The following UNC13C variants were observed in gnomAD, a reference collection of about 807,000 sequenced individuals.
UNC13C encodes unc-13 homolog C.
A neutral mutation model predicts 245.4 loss-of-function variants in UNC13C; 174 were observed. The observed-to-expected ratio is 0.71, with a 90% confidence interval of 0.63 to 0.80. The LOEUF is 0.80. UNC13C is among the 30% of genes least tolerant of loss of function. UNC13C has a pLI of 0.00. For missense variants in UNC13C, 2,829 were observed against 2,602.9 expected, an observed-to-expected ratio of 1.09 and a Z score of -1.89; for synonymous variants, 992 against 895.1, an observed-to-expected ratio of 1.11 and a Z score of -1.93.
intron 4 of UNC13C, among the ~76,000 whole-genome samples, chr15:54,167,500 CAAAAAAAA>C (rs67762910): frequency 0.4 from 36,758 of 91,012 alleles, 6,253 homozygotes; most frequent in African/African-American, 0.53. Flanking sequence ...ACACTCGTCT[CAAAAAAAA>C]AAAAAAAAAA....
At chr15:54,276,771 C>T (rs901837825) in intron 10 of UNC13C, among the ~76,000 whole-genome samples, 1 of 152,008 alleles carries the variant, frequency 6.6e-6, no homozygotes, top group Non-Finnish European at 1.5e-5. Flanking sequence ...AACATTTTTC[C>T]CCATTAGTCT....
At chr15:53,895,623 T>G in the UNC13C span, among the ~76,000 whole-genome samples, 1 of 152,204 alleles carries the variant, frequency 6.6e-6, no homozygotes, top group African/African-American at 2.4e-5. Flanking sequence ...AGTTTTCTAT[T>G]CTCCAGCTGT....
intron 2 of UNC13C, among the ~76,000 whole-genome samples, chr15:54,055,118 C>A (rs1243845470): frequency 6.6e-6 from 1 of 152,122 alleles, no homozygotes; most frequent in African/African-American, 2.4e-5. Context: ...ACTACAATGG[C>A]AAATTGATTA....
intron 30 of UNC13C, among the ~76,000 whole-genome samples, chr15:54,591,227 T>C (rs1435048194): frequency 6.6e-6 from 1 of 152,214 alleles, no homozygotes; most frequent in Non-Finnish European, 1.5e-5. Context: ...GCATGTATAT[T>C]CATCAAGGAT....
chr15:54,599,240 A>G (rs982629951), intron 30 of UNC13C, among the ~76,000 whole-genome samples: 2 of 152,144 alleles, frequency 1.3e-5, no homozygotes, highest in Admixed American at 1.3e-4. Context: ...TAATCACATT[A>G]GTAACTAGAA....
At chr15:54,299,506 C>T (rs940453155) in intron 12 of UNC13C, among the ~76,000 whole-genome samples, 9 of 152,116 alleles carry the variant, frequency 5.9e-5, no homozygotes, top group Non-Finnish European at 1.2e-4. Context: ...GCAAAATACG[C>T]TCTATCATGT....
intron 17 of UNC13C, among the ~76,000 whole-genome samples, chr15:54,345,933 G>A (rs537037043): frequency 4.7e-4 from 71 of 152,058 alleles, no homozygotes; most frequent in Non-Finnish European, 7.9e-4. Flanking sequence ...TGCCTGGAGC[G>A]GGCATCCCTT....
At chr15:54,058,532 A>G (rs1897649790) in intron 2 of UNC13C, among the ~76,000 whole-genome samples, 2 of 152,212 alleles carry the variant, frequency 1.3e-5, no homozygotes, top group South Asian at 4.1e-4. Flanking sequence ...TACCAGAGGT[A>G]CAAGGAGGAG....
intron 17 of UNC13C, among the ~76,000 whole-genome samples, chr15:54,361,876 T>C (rs2039239880): frequency 6.6e-6 from 1 of 152,180 alleles, no homozygotes; most frequent in African/African-American, 2.4e-5. Context: ...AGAACTTAAA[T>C]GCTATACCAG....
intron 2 of UNC13C, among the ~76,000 whole-genome samples, chr15:54,052,585 T>A (rs1357108603): frequency 6.6e-6 from 1 of 152,250 alleles, no homozygotes; most frequent in Non-Finnish European, 1.5e-5. Context: ...ACACATGGAT[T>A]GAATGATAAA....
intron 4 of UNC13C, among the ~76,000 whole-genome samples, chr15:54,150,586 T>G (rs1349590603): frequency 6.6e-6 from 1 of 152,198 alleles, no homozygotes; most frequent in Non-Finnish European, 1.5e-5. Flanking sequence ...TAGCTTCCTG[T>G]GGTCAAGAAG....
At chr15:54,551,600 T>G (rs931311724) in intron 28 of UNC13C, among the ~76,000 whole-genome samples, 1 of 152,098 alleles carries the variant, frequency 6.6e-6, no homozygotes, top group African/African-American at 2.4e-5. Flanking sequence ...CACTGAATTC[T>G]TTTTTAATTC....
At chr15:53,847,962 G>A in the UNC13C span, among the ~76,000 whole-genome samples, 1 of 152,114 alleles carries the variant, frequency 6.6e-6, no homozygotes, top group South Asian at 2.1e-4. Flanking sequence ...ATTGAGGATG[G>A]GCACATGACA....
At chr15:53,898,156 G>A in the UNC13C span, among the ~76,000 whole-genome samples, 1 of 151,906 alleles carries the variant, frequency 6.6e-6, no homozygotes, top group Admixed American at 6.6e-5. Context: ...TCCTAAAAAT[G>A]CAGACTTTCT....
intron 17 of UNC13C, among the ~76,000 whole-genome samples, chr15:54,379,997 TTATATC>T (rs2039688675): frequency 6.6e-6 from 1 of 152,162 alleles, no homozygotes; most frequent in Non-Finnish European, 1.5e-5. Flanking sequence ...TGAGAACAAT[TTATATC>T]TATTCTCTTA....
the UNC13C span, among the ~76,000 whole-genome samples, chr15:53,893,066 G>A: frequency 6.6e-6 from 1 of 151,890 alleles, no homozygotes; most frequent in Non-Finnish European, 1.5e-5. Flanking sequence ...GAGTAGACTT[G>A]CTATTCATTT....
intron 30 of UNC13C, among the ~76,000 whole-genome samples, chr15:54,616,929 T>A (rs770485059): frequency 2.0e-5 from 3 of 152,062 alleles, no homozygotes; most frequent in Non-Finnish European, 4.4e-5. Context: ...ATATCTTCTC[T>A]ATGTTTAGCT....
intron 19 of UNC13C, among the ~76,000 whole-genome samples, chr15:54,477,942 A>G (rs1892866013): frequency 6.9e-6 from 1 of 144,386 alleles, no homozygotes; most frequent in African/African-American, 2.6e-5. Context: ...CTGGTCCTGG[A>G]CTCTTTTTGG....
intron 14 of UNC13C, among the ~76,000 whole-genome samples, chr15:54,329,656 G>A (rs1186452774): frequency 1.3e-5 from 2 of 152,028 alleles, no homozygotes; most frequent in Admixed American, 6.6e-5. Flanking sequence ...TAAAGTTCAA[G>A]CTGTCCTGCT....
Sources: allele counts gnomAD v4.1 joint callset (sites outside exome capture counted in the v4.1 genomes callset), GRCh38; gene constraint gnomAD v4.1.1; transcripts MANE v1.5; gene names NCBI Gene and HGNC (gene_info 2026-07-23, HGNC 2026-07-21).